CDKAL1: variants seen among roughly 807,000 people sequenced by gnomAD.
CDKAL1 encodes the protein CDKAL1 threonylcarbamoyladenosine tRNA methylthiotransferase.
CDKAL1 carries 32 observed loss-of-function variants against 68.2 expected under a neutral mutation model. The observed-to-expected ratio is 0.47, with a 90% CI of 0.35 to 0.63. The LOEUF (loss-of-function observed/expected upper bound fraction) is 0.63. Among genes scored for constraint, CDKAL1 ranks in the 30% least tolerant of loss-of-function variants. The pLI is 0.00. For missense variants in CDKAL1, 606 were observed against 696.7 expected, an observed-to-expected ratio of 0.87 and a Z score of 1.47; for synonymous variants, 234 against 244.3, an observed-to-expected ratio of 0.96 and a Z score of 0.39.
intron 4 of CDKAL1, among the ~76,000 whole-genome samples, chr6:20,596,671 TG>T (rs1262227518): frequency 6.6e-6 from 1 of 152,136 alleles, no homozygotes; most frequent in Non-Finnish European, 1.5e-5. Flanking sequence ...GGAGAGTGAA[TG>T]GTTCTTTCTC....
chr6:20,589,541 C>T (rs1765507635), intron 4 of CDKAL1, among the ~76,000 whole-genome samples: 1 of 152,176 alleles, frequency 6.6e-6, no homozygotes, highest in African/African-American at 2.4e-5. Context: ...TAGGTATTCT[C>T]AGGGAACGTT....
intron 13 of CDKAL1, among the ~76,000 whole-genome samples, chr6:21,114,372 T>A (rs919977079): frequency 2.6e-5 from 4 of 152,116 alleles, no homozygotes; most frequent in Admixed American, 2.6e-4. Flanking sequence ...CACCCCAAAT[T>A]ATTTACTTAA....
intron 9 of CDKAL1, among the ~76,000 whole-genome samples, chr6:20,952,833 G>T (rs114356416): frequency 0.016 from 2,419 of 152,322 alleles, 31 homozygotes; most frequent in Non-Finnish European, 0.025. Context: ...CAGGGAAAAG[G>T]ATGTCAGGCA....
chr6:20,891,799 C>T (rs1761419136), intron 9 of CDKAL1, among the ~76,000 whole-genome samples: 1 of 152,188 alleles, frequency 6.6e-6, no homozygotes, highest in African/African-American at 2.4e-5. Flanking sequence ...TCCCAAAATG[C>T]TGGGATTACA....
chr6:21,046,845 A>G (rs1329533984), intron 11 of CDKAL1, among the ~76,000 whole-genome samples: 1 of 152,208 alleles, frequency 6.6e-6, no homozygotes, highest in African/African-American at 2.4e-5. Context: ...TAGAATGACG[A>G]GACTTACACC....
intron 15 of CDKAL1, among the ~76,000 whole-genome samples, chr6:21,213,501 G>A (rs1779237352): frequency 6.6e-6 from 1 of 152,166 alleles, no homozygotes; most frequent in African/African-American, 2.4e-5. Flanking sequence ...CATTTGTAAA[G>A]GATAGCTGCC....
chr6:20,958,098 G>A (rs1315561403), intron 10 of CDKAL1, among the ~76,000 whole-genome samples: 9 of 152,028 alleles, frequency 5.9e-5, no homozygotes, highest in Admixed American at 2.0e-4. Context: ...AAGTAAATGA[G>A]CTTCAAGGGT....
At chr6:21,062,303 G>A (rs1047934716) in intron 11 of CDKAL1, among the ~76,000 whole-genome samples, 1 of 152,160 alleles carries the variant, frequency 6.6e-6, no homozygotes, top group Non-Finnish European at 1.5e-5. Context: ...ATGATCTGCT[G>A]TGATCCATAA....
chr6:20,647,334 T>C (rs144381793), intron 4 of CDKAL1, among the ~76,000 whole-genome samples: 7 of 152,344 alleles, frequency 4.6e-5, no homozygotes, highest in African/African-American at 1.7e-4. Context: ...ACGATCACTA[T>C]GGCCTTCCAA....
At chr6:20,818,714 T>C (rs1480852687) in intron 8 of CDKAL1, among the ~76,000 whole-genome samples, 1 of 150,302 alleles carries the variant, frequency 6.7e-6, no homozygotes, top group African/African-American at 2.4e-5. Flanking sequence ...ATAAATATAT[T>C]TGTATAACTA....
chr6:20,665,417 C>G (rs1769487605), intron 5 of CDKAL1, among the ~76,000 whole-genome samples: 1 of 151,984 alleles, frequency 6.6e-6, no homozygotes, highest in Non-Finnish European at 1.5e-5. Context: ...ATCAAATGGC[C>G]TGTATACAGA....
At chr6:21,034,512 T>A (rs1372955911) in intron 11 of CDKAL1, among the ~76,000 whole-genome samples, 1 of 152,208 alleles carries the variant, frequency 6.6e-6, no homozygotes, top group Non-Finnish European at 1.5e-5. Flanking sequence ...TTAAAGCAGC[T>A]CATAGATCAG....
intron 9 of CDKAL1, among the ~76,000 whole-genome samples, chr6:20,885,605 C>T (rs1048563217): frequency 3.9e-5 from 6 of 152,070 alleles, no homozygotes; most frequent in Admixed American, 1.3e-4. Flanking sequence ...ACAGTGGATT[C>T]TTAGATGTGT....
chr6:20,937,756 A>G (rs1479780241), intron 9 of CDKAL1, among the ~76,000 whole-genome samples: 1 of 152,166 alleles, frequency 6.6e-6, no homozygotes, highest in African/African-American at 2.4e-5. Flanking sequence ...ATTGATACGC[A>G]CTTTTCAGAG....
chr6:21,037,001 C>CT (rs1769630842), intron 11 of CDKAL1, among the ~76,000 whole-genome samples: 1 of 152,130 alleles, frequency 6.6e-6, no homozygotes, highest in African/African-American at 2.4e-5. Flanking sequence ...GCCTTATTTG[C>CT]TCATCATTGA....
intron 12 of CDKAL1, among the ~76,000 whole-genome samples, chr6:21,092,400 T>A (rs1034056520): frequency 8.6e-5 from 13 of 152,042 alleles, no homozygotes; most frequent in African/African-American, 3.1e-4. Flanking sequence ...TTTGTCCTAA[T>A]GCTCTCCCTC....
intron 9 of CDKAL1, among the ~76,000 whole-genome samples, chr6:20,936,104 T>C (rs961783407): frequency 3.9e-5 from 6 of 152,182 alleles, no homozygotes; most frequent in African/African-American, 1.4e-4. Flanking sequence ...GAATAATTAT[T>C]CTTTTCTAAT....
chr6:20,771,264 C>T (rs117309072), intron 7 of CDKAL1, among the ~76,000 whole-genome samples: 25 of 152,096 alleles, frequency 1.6e-4, no homozygotes, highest in African/African-American at 5.6e-4. Context: ...TCACTCTTGC[C>T]ATTTCTATAG....
At chr6:21,185,224 TAA>T (rs35442433) in intron 13 of CDKAL1, among the ~76,000 whole-genome samples, 17 of 142,704 alleles carry the variant, frequency 1.2e-4, no homozygotes, top group Admixed American at 7.0e-5. Context: ...GAGAGGCCAT[TAA>T]AAAAAAAAAA....
Sources: gnomAD v4.1 joint callset for allele counts (sites outside exome capture counted in the v4.1 genomes callset) on GRCh38, gnomAD v4.1.1 for gene constraint, MANE v1.5 for transcripts, NCBI Gene and HGNC (gene_info 2026-07-23, HGNC 2026-07-21) for gene names.